TTLL5: variants seen among roughly 807,000 people sequenced by gnomAD.
The protein encoded by TTLL5 is tubulin tyrosine ligase like 5.
TTLL5 carries 132 observed loss-of-function variants against 168.4 expected under a neutral mutation model. The ratio of observed to expected loss-of-function variants is 0.78; its 90% CI spans 0.68 to 0.91. The LOEUF (loss-of-function observed/expected upper bound fraction) is 0.91. TTLL5 is among the 40% of genes least tolerant of loss of function. The probability of loss-of-function intolerance (pLI) is 0.00; values close to 1 mark genes in which losing one functional copy is unlikely to be tolerated. For missense variants in TTLL5, 1,545 were observed against 1,581.5 expected (o/e 0.98, Z 0.39); for synonymous variants, 546 against 558.6 (o/e 0.98, Z 0.32).
rs140693740 is a variant in TTLL5 at position 75,755,062 on chromosome 14, C to T, written c.1550+2107C>T. Among the ~76,000 whole-genome samples the T allele has an allele frequency of 2.5e-3, 386 of 152,058 alleles. 6 individuals carry two copies. In the South Asian group the frequency reaches 0.038, roughly 15 times the overall value. On this transcript the variant is annotated intron_variant, in intron 18 of 31. Transcript: ENST00000298832. ...GGCAGATCACCTGAGGTCGGGAGTT[C>T]GAGACCAGCCTGACCCACATGGAGA... is the stretch of plus-strand genomic sequence containing the variant.
At chr14:75,859,458 C>T (rs1897298626) in intron 28 of TTLL5, among the ~76,000 whole-genome samples, 1 of 152,168 alleles carries the variant, frequency 6.6e-6, no homozygotes, top group African/African-American at 2.4e-5. Flanking sequence ...AGGGGAAATA[C>T]AGCCTAATTC....
At chr14:75,707,376 C>T (rs1298203303) in intron 8 of TTLL5, among the ~76,000 whole-genome samples, 3 of 151,820 alleles carry the variant, frequency 2.0e-5, no homozygotes, top group Admixed American at 6.6e-5. Context: ...ATATACATTA[C>T]AGTTATATTA....
intron 9 of TTLL5, among the ~76,000 whole-genome samples, chr14:75,715,553 G>A (rs898520352): frequency 6.6e-6 from 1 of 152,066 alleles, no homozygotes; most frequent in African/African-American, 2.4e-5. Flanking sequence ...TGGGGTAGGA[G>A]GAAAGATGAA....
chr14:75,736,849 T>C (rs1888943630), intron 15 of TTLL5, among the ~76,000 whole-genome samples: 1 of 152,232 alleles, frequency 6.6e-6, no homozygotes. Flanking sequence ...GGGTTGTACT[T>C]GATCAGTGCA....
intron 7 of TTLL5, among the ~76,000 whole-genome samples, chr14:75,701,154 A>G (rs985632493): frequency 6.6e-6 from 1 of 152,120 alleles, no homozygotes; most frequent in Non-Finnish European, 1.5e-5. Flanking sequence ...GATTTCCAGA[A>G]ACTCATATTC....
intron 9 of TTLL5, 52 bp from the exon 10 acceptor site, chr14:75,717,809 G>C: frequency 6.5e-7 from 1 of 1,540,982 alleles, no homozygotes; most frequent in Non-Finnish European, 9.0e-7. Context: ...GTTCCAGCCT[G>C]TATTTCCTTG....
chr14:75,664,409 C>A (rs1196651021), intron 2 of TTLL5, among the ~76,000 whole-genome samples: 2 of 152,216 alleles, frequency 1.3e-5, no homozygotes, highest in Non-Finnish European at 2.9e-5. Flanking sequence ...TATGTGTGTG[C>A]TATGTAACCT....
At chr14:75,824,112 AT>A (rs1373643960) in intron 28 of TTLL5, among the ~76,000 whole-genome samples, 1 of 152,122 alleles carries the variant, frequency 6.6e-6, no homozygotes, top group Non-Finnish European at 1.5e-5. Flanking sequence ...AATATGTCTT[AT>A]GCATTTTCTA....
chr14:75,930,572 A>C (rs1279016135), intron 31 of TTLL5: 1 of 980,324 alleles, frequency 1.0e-6, no homozygotes, highest in Non-Finnish European at 1.2e-6. Context: ...ATATATTATT[A>C]ATTAAATATC....
In TTLL5 at chr14:75,776,752, A is replaced by T. The variant is rs1462462775; in HGVS notation, c.2289A>T (p.Thr763=). The part of the protein sequence containing the change: ...GDFIIVYNKE[T]EQMAEKKSKK... ...GGGGTTTGGGCACTGGGTAGGAAACAGAACAAATGGCTGAAAAGAAATCAA... is the reference window on the plus strand; with the variant it reads ...GGGGTTTGGGCACTGGGTAGGAAACTGAACAAATGGCTGAAAAGAAATCAA... The change falls in exon 23 of 32, where the codon ACA becomes ACT. Residue 763 remains threonine (T), a synonymous_variant. Transcript: ENST00000298832. The T allele has an allele frequency of 6.2e-7, 1 of 1,613,638 alleles. No individual in the cohort carries two copies. The highest frequency in any genetic ancestry group is 1.7e-5 in the Admixed American group (1 of 59,962).
At chr14:75,810,577 G>C (rs1283252313) in intron 27 of TTLL5, among the ~76,000 whole-genome samples, 1 of 151,906 alleles carries the variant, frequency 6.6e-6, no homozygotes, top group Non-Finnish European at 1.5e-5. Flanking sequence ...ATGTTGCCCA[G>C]GTTGGTCTTG....
Position 75,793,082 on chromosome 14 carries a change from C to A in TTLL5, c.3153C>A (p.Ile1051=), listed in dbSNP as rs2140352043. 1 of 1,611,814 alleles carries A rather than the reference C, an allele frequency of 6.2e-7. No individual in the cohort carries two copies. The highest frequency in any genetic ancestry group is 1.7e-5 in the Admixed American group (1 of 59,916). Reference sequence around the variant, plus strand: ...GACAGTATTCTCCATCCAGCCACATCAACCTCCTCACCCAACAGGTACGGA... The same window carrying A: ...GACAGTATTCTCCATCCAGCCACATAAACCTCCTCACCCAACAGGTACGGA... The part of the protein sequence containing the change: ...AARQYSPSSH[I]NLLTQQVTNL... The change falls in exon 27 of 32, where the codon ATC becomes ATA. Residue 1051 remains isoleucine (I), a synonymous_variant. Coordinates refer to ENST00000298832, the MANE Select transcript of TTLL5 (RefSeq NM_015072.5).
At chr14:75,830,810 G>C (rs1053763502) in intron 28 of TTLL5, among the ~76,000 whole-genome samples, 1 of 152,130 alleles carries the variant, frequency 6.6e-6, no homozygotes, top group Non-Finnish European at 1.5e-5. Flanking sequence ...GTAAAAGCAT[G>C]AGTGAATGGA....
intron 28 of TTLL5, among the ~76,000 whole-genome samples, chr14:75,853,027 T>A (rs1896949214): frequency 6.6e-6 from 1 of 152,234 alleles, no homozygotes. Flanking sequence ...ATAAACAGAT[T>A]TATTCTTTAC....
intron 31 of TTLL5, among the ~76,000 whole-genome samples, chr14:75,921,393 AT>A (rs1331635423): frequency 6.6e-6 from 1 of 152,188 alleles, no homozygotes; most frequent in Non-Finnish European, 1.5e-5. Flanking sequence ...TCTTGAATTA[AT>A]TTTTGTATAA....
chr14:75,896,411 C>T (rs2032664994), intron 30 of TTLL5, among the ~76,000 whole-genome samples: 1 of 152,082 alleles, frequency 6.6e-6, no homozygotes, highest in Admixed American at 6.5e-5. Context: ...TTTTCAGCAC[C>T]TTCACAGATG....
intron 31 of TTLL5, among the ~76,000 whole-genome samples, chr14:75,930,246 T>C (rs2034230860): frequency 6.6e-6 from 1 of 152,152 alleles, no homozygotes; most frequent in South Asian, 2.1e-4. Context: ...AATGAACACA[T>C]ACAAGGTAAA....
intron 8 of TTLL5, 56 bp downstream of exon 8, chr14:75,707,143 A>C: frequency 7.1e-7 from 1 of 1,400,114 alleles, no homozygotes; most frequent in Non-Finnish European, 1.0e-6. Context: ...TCAACTTTTT[A>C]AGCTTTTCAT....
At chr14:75,937,901 A>C in intron 31 of TTLL5, among the ~76,000 whole-genome samples, 1 of 152,108 alleles carries the variant, frequency 6.6e-6, no homozygotes, top group Non-Finnish European at 1.5e-5. Flanking sequence ...TTGTATGGTA[A>C]TTCTGTTTTT....
Sources: gnomAD v4.1 joint callset for allele counts (sites outside exome capture counted in the v4.1 genomes callset) on GRCh38, gnomAD v4.1.1 for gene constraint, MANE v1.5 for transcripts, NCBI Gene and HGNC (gene_info 2026-07-23, HGNC 2026-07-21) for gene names.